PLGRKT: variants seen among roughly 807,000 people sequenced by gnomAD.
PLGRKT encodes plasminogen receptor (KT).
In PLGRKT, 22 loss-of-function variants were observed where a neutral mutation model predicts 18.5. The observed-to-expected ratio is 1.19, with a 90% confidence interval of 0.85 to 1.70. The LOEUF (loss-of-function observed/expected upper bound fraction) is 1.70. Ranked by LOEUF, PLGRKT falls within the 40% of genes most tolerant of loss-of-function variation. The pLI, the probability that PLGRKT is intolerant of heterozygous loss-of-function variation, is 0.00. For missense variants in PLGRKT, 235 were observed against 174.4 expected (o/e 1.35, Z -1.96); for synonymous variants, 72 against 52.8 (o/e 1.36, Z -1.58).
In PLGRKT at chr9:5,418,954, G is replaced by C; in HGVS notation, c.81+12943C>G. 1 of 749,586 alleles carries C rather than the reference G, an allele frequency of 1.3e-6. No homozygotes were observed. The highest frequency in any genetic ancestry group is 2.2e-6 in the Non-Finnish European group (1 of 453,058). The allele number at this position is 749,586 out of a possible 1,614,324, so 46.4% of individuals were successfully genotyped here. On this transcript the variant is annotated intron_variant, in intron 3 of 5. Transcript: ENST00000223864. This position sits in a 1 kb window ranked among gnomAD's most constrained non-coding sequence, Gnocchi z 4.2. ...TTAAAACAGATCTGACATTCTAGCA[G>C]AGTCCTGGGACAGCGTCTCCATGGT...
chr9:5,430,768 CCA>C (rs1222712612), intron 3 of PLGRKT, among the ~76,000 whole-genome samples: 1 of 152,320 alleles, frequency 6.6e-6, no homozygotes, highest in East Asian at 1.9e-4. Flanking sequence ...CCATAATGGG[CCA>C]CAGAGGCCTA....
intron 3 of PLGRKT, 53 bp from the exon 4 acceptor site, chr9:5,361,941 A>C (rs1817276771): frequency 2.9e-5 from 44 of 1,530,252 alleles, no homozygotes; most frequent in Non-Finnish European, 3.7e-5. Context: ...GAATCTGAAC[A>C]AATAGTTAAT....
intron 3 of PLGRKT, among the ~76,000 whole-genome samples, chr9:5,399,999 A>T (rs1818126573): frequency 6.6e-6 from 1 of 151,916 alleles, no homozygotes; most frequent in Non-Finnish European, 1.5e-5. Flanking sequence ...CAAAAAAAAT[A>T]AATGAAATAA....
rs1388235280 is a variant in PLGRKT at position 5,418,695 on chromosome 9, G to A, written c.81+13202C>T. The stretch of plus-strand genomic sequence containing the variant: ...GGGGCAGCATGTAGCACCCACTGCC[G>A]GGAAGTCTGATGAAGACCGGCATGT... On this transcript the variant is annotated intron_variant, in intron 3 of 5. Coordinates refer to ENST00000223864, the MANE Select transcript of PLGRKT (RefSeq NM_018465.4). This position sits in a 1 kb window ranked among gnomAD's most constrained non-coding sequence, Gnocchi z 4.2. The A allele has an allele frequency of 9.1e-6, 6 of 662,446 alleles. No homozygotes were observed. Among genetic ancestry groups the A allele is most frequent in the South Asian group, 3.3e-5 (2 of 60,824 alleles). The allele number at this position is 662,446 out of a possible 1,614,324, so 41.0% of individuals were successfully genotyped here.
At chr9:5,381,934 G>C (rs1365272122) in intron 3 of PLGRKT, 1 of 984,960 alleles carries the variant, frequency 1.0e-6, no homozygotes, top group African/African-American at 1.7e-5. Flanking sequence ...TCTGCTCCGA[G>C]ACAGGGCCTC....
chr9:5,425,681 G>T (rs1182682793), intron 3 of PLGRKT, among the ~76,000 whole-genome samples: 5 of 151,880 alleles, frequency 3.3e-5, no homozygotes, highest in Admixed American at 2.0e-4. Flanking sequence ...AAGGTCTGAG[G>T]TGGGACCCAA....
intron 3 of PLGRKT, among the ~76,000 whole-genome samples, chr9:5,397,890 G>A (rs1297674693): frequency 3.9e-5 from 6 of 151,930 alleles, no homozygotes; most frequent in Non-Finnish European, 7.3e-5. Flanking sequence ...CCCTGAGAAC[G>A]ATGGTCACTT....
intron 3 of PLGRKT, among the ~76,000 whole-genome samples, chr9:5,393,893 C>T (rs1283532711): frequency 6.6e-6 from 1 of 151,782 alleles, no homozygotes; most frequent in African/African-American, 2.4e-5. Flanking sequence ...CTATCAAATA[C>T]AAATATATGC....
chr9:5,380,273 C>A (rs955123696), intron 3 of PLGRKT, among the ~76,000 whole-genome samples: 3 of 150,460 alleles, frequency 2.0e-5, no homozygotes, highest in African/African-American at 4.9e-5. Flanking sequence ...GCTGAGGCAG[C>A]AGAATGGTGT....
intron 3 of PLGRKT, among the ~76,000 whole-genome samples, chr9:5,419,761 C>T (rs1818538535): frequency 6.6e-6 from 1 of 152,338 alleles, no homozygotes; most frequent in African/African-American, 2.4e-5. Context: ...GTAACCCTTA[C>T]ACTTTACAGC....
At chr9:5,404,902 C>G (rs1257470434) in intron 3 of PLGRKT, among the ~76,000 whole-genome samples, 2 of 152,158 alleles carry the variant, frequency 1.3e-5, no homozygotes, top group African/African-American at 4.8e-5. Flanking sequence ...CCAAAAGCTT[C>G]TTAAGTTGAT....
intron 3 of PLGRKT, among the ~76,000 whole-genome samples, chr9:5,417,075 C>G (rs1456237448): frequency 6.6e-6 from 1 of 152,140 alleles, no homozygotes; most frequent in East Asian, 1.9e-4. Context: ...CTTACTGTAA[C>G]TAAGCTAACT....
chr9:5,427,931 G>T (rs1818734866), intron 3 of PLGRKT, among the ~76,000 whole-genome samples: 2 of 152,208 alleles, frequency 1.3e-5, no homozygotes, highest in Admixed American at 1.3e-4. Context: ...TGTCCTATGT[G>T]TTAAATGTGG....
intron 3 of PLGRKT, among the ~76,000 whole-genome samples, chr9:5,372,452 G>C (rs113592794): frequency 1.1e-4 from 17 of 152,292 alleles, no homozygotes; most frequent in African/African-American, 4.1e-4. Context: ...AACAGAACAA[G>C]ATTGATTTCA....
chr9:5,437,606 C>T (rs1818985659), intron 1 of PLGRKT, 183 bp downstream of exon 1: 1 of 152,292 alleles, frequency 6.6e-6, no homozygotes, highest in Non-Finnish European at 1.5e-5. Context: ...CAAGAACGCG[C>T]TCTAATGGAA....
At chr9:5,427,595 A>G (rs767825275) in intron 3 of PLGRKT, among the ~76,000 whole-genome samples, 1 of 152,202 alleles carries the variant, frequency 6.6e-6, no homozygotes, top group Non-Finnish European at 1.5e-5. Context: ...ATAGGTATGT[A>G]TGTACTGGGA....
intron 3 of PLGRKT, among the ~76,000 whole-genome samples, chr9:5,365,187 A>G (rs1166843663): frequency 1.3e-5 from 2 of 152,222 alleles, no homozygotes; most frequent in Non-Finnish European, 2.9e-5. Flanking sequence ...CAAGAAATGT[A>G]TAAGAGGAGC....
chr9:5,361,050 T>A, intron 5 of PLGRKT, 28 bp downstream of exon 5: 1 of 1,121,070 alleles, frequency 8.9e-7, no homozygotes, highest in Non-Finnish European at 1.3e-6. Flanking sequence ...AATCAGCAAA[T>A]AGAAACTCTA....
At chr9:5,383,611 G>A (rs1309362591) in intron 3 of PLGRKT, among the ~76,000 whole-genome samples, 1 of 152,128 alleles carries the variant, frequency 6.6e-6, no homozygotes, top group Non-Finnish European at 1.5e-5. Context: ...CAACTAGACG[G>A]TCCCATCTAG....
Sources: allele counts gnomAD v4.1 joint callset (sites outside exome capture counted in the v4.1 genomes callset), GRCh38; gene constraint gnomAD v4.1.1; non-coding constraint Gnocchi (gnomAD v3.1); transcripts MANE v1.5; gene names NCBI Gene and HGNC (gene_info 2026-07-23, HGNC 2026-07-21).